Variants in PEBP4 observed in about 807,000 individuals in gnomAD.
PEBP4 encodes phosphatidylethanolamine binding protein 4, also known as phosphatidylethanolamine-binding protein 4.
A neutral mutation model predicts 23.9 loss-of-function variants in PEBP4; 22 were observed. The ratio of observed to expected loss-of-function variants is 0.92; its 90% CI spans 0.66 to 1.31. The LOEUF is 1.31. PEBP4 is among the 40% of genes most tolerant of loss of function. The probability of loss-of-function intolerance (pLI) is 0.00; values close to 1 mark genes in which losing one functional copy is unlikely to be tolerated. For synonymous variants in PEBP4, 112 were observed against 99.3 expected (o/e 1.13, Z -0.76); for missense variants, 324 against 281.7 (o/e 1.15, Z -1.07).
intron 3 of PEBP4, among the ~76,000 whole-genome samples, chr8:22,895,037 C>CA (rs1445397888): frequency 6.6e-6 from 1 of 152,176 alleles, no homozygotes; most frequent in Non-Finnish European, 1.5e-5. Context: ...AAACAGTAGA[C>CA]TTTCACACCA....
At chr8:22,715,836 A>C (rs1460379682) in intron 6 of PEBP4, among the ~76,000 whole-genome samples, 2 of 152,176 alleles carry the variant, frequency 1.3e-5, no homozygotes, top group African/African-American at 2.4e-5. Flanking sequence ...TCTAGAAGGC[A>C]GAGGGGGTGA....
chr8:22,780,017 C>T (rs140319098), intron 4 of PEBP4, among the ~76,000 whole-genome samples: 292 of 151,664 alleles, frequency 1.9e-3, no homozygotes, highest in Non-Finnish European at 2.5e-3. Flanking sequence ...GGCACGATCA[C>T]GGCTCACTGC....
intron 4 of PEBP4, among the ~76,000 whole-genome samples, chr8:22,777,237 T>C (rs2128754745): frequency 6.6e-6 from 1 of 152,256 alleles, no homozygotes. Context: ...TTCCCCCTCC[T>C]CTACTCCTCC....
rs575872540 is a variant in PEBP4 at position 22,816,277 on chromosome 8, T to G, written c.357+1360A>C. Reference sequence around the variant, plus strand: ...TGCCCACGAAGCTGCTGCTTGGGTCTCCCTTGAGGAAGCCCCTTCCAGGGC... The same window carrying G: ...TGCCCACGAAGCTGCTGCTTGGGTCGCCCTTGAGGAAGCCCCTTCCAGGGC... On this transcript the variant is annotated intron_variant, in intron 4 of 6. Coordinates refer to ENST00000256404, the MANE Select transcript of PEBP4 (RefSeq NM_144962.3). 3.9e-5 allele frequency among the ~76,000 whole-genome samples: 6 copies of G among 152,286 alleles called. No individual in the cohort carries two copies. The South Asian group carries it at 1.2e-3, about 32-fold the overall frequency.
At chr8:22,902,914 TG>T (rs1436828435) in intron 3 of PEBP4, among the ~76,000 whole-genome samples, 1 of 152,184 alleles carries the variant, frequency 6.6e-6, no homozygotes, top group Non-Finnish European at 1.5e-5. Flanking sequence ...AGCATAGCCT[TG>T]CGTTCCCACA....
chr8:22,918,923 G>GCACA (rs1365124030), intron 3 of PEBP4, among the ~76,000 whole-genome samples: 4 of 115,814 alleles, frequency 3.5e-5, no homozygotes, highest in Admixed American at 8.7e-5. Flanking sequence ...ATGCAAGTGT[G>GCACA]TGTGTGCACA....
At chr8:22,912,384 G>C (rs550491418) in intron 3 of PEBP4, among the ~76,000 whole-genome samples, 2 of 152,190 alleles carry the variant, frequency 1.3e-5, no homozygotes, top group Admixed American at 6.5e-5. Context: ...AGCTCCATCC[G>C]GATCTGCTCC....
chr8:22,792,988 T>C (rs1168004601), intron 4 of PEBP4, among the ~76,000 whole-genome samples: 1 of 152,218 alleles, frequency 6.6e-6, no homozygotes, highest in Non-Finnish European at 1.5e-5. Context: ...AATTTTTAAG[T>C]ACAATTTTAA....
At chr8:22,864,470 T>C (rs924921792) in intron 3 of PEBP4, among the ~76,000 whole-genome samples, 12 of 152,106 alleles carry the variant, frequency 7.9e-5, no homozygotes, top group African/African-American at 2.9e-4. Flanking sequence ...CTGGTGAAGA[T>C]AGAACCACCA....
Position 22,887,114 on chromosome 8 carries a change from G to GTGTGTGTGTGTGTGTGTGTT in PEBP4, c.258+33069_258+33070insAACACACACACACACACACA, listed in dbSNP as rs1374313995. 3 of 147,476 alleles carry GTGTGTGTGTGTGTGTGTGTT rather than the reference G, an allele frequency of 2.0e-5. No homozygotes were observed. The Admixed American group carries it at 2.1e-4, about 10-fold the overall frequency. 9.1% of individuals were successfully genotyped at this position (147,476 alleles called of 1,614,324 possible). On this transcript the variant is annotated intron_variant, in intron 3 of 6. Transcript: ENST00000256404. ...AGTGTGTGTGTGTGTGTGTGTGTGT[G>GTGTGTGTGTGTGTGTGTGTT]TGTATGTGTGTGTGTGTGTGTATTT...
intron 3 of PEBP4, among the ~76,000 whole-genome samples, chr8:22,862,998 C>T (rs1313541411): frequency 8.6e-5 from 13 of 152,034 alleles, no homozygotes; most frequent in Admixed American, 3.3e-4. Context: ...AGATGGGTTT[C>T]ACCATGTTAG....
intron 3 of PEBP4, among the ~76,000 whole-genome samples, chr8:22,824,223 T>C (rs1250510727): frequency 6.6e-6 from 1 of 152,184 alleles, no homozygotes; most frequent in Non-Finnish European, 1.5e-5. Context: ...GTTTATGCAA[T>C]AAAATGCATT....
intron 6 of PEBP4, among the ~76,000 whole-genome samples, chr8:22,716,844 C>G (rs1269845260): frequency 6.6e-6 from 1 of 152,250 alleles, no homozygotes; most frequent in East Asian, 1.9e-4. Context: ...CCCTTTAACA[C>G]TGGCAGCCAT....
chr8:22,875,748 C>A (rs765849312), intron 3 of PEBP4, among the ~76,000 whole-genome samples: 1 of 152,048 alleles, frequency 6.6e-6, no homozygotes, highest in Admixed American at 6.6e-5. Context: ...TCACCCAGCA[C>A]GTCACCCACC....
chr8:22,781,343 C>A (rs577815308), intron 4 of PEBP4, among the ~76,000 whole-genome samples: 1 of 149,376 alleles, frequency 6.7e-6, no homozygotes, highest in Admixed American at 6.6e-5. Context: ...CAGCAGGCAC[C>A]GGGGCTGGGA....
chr8:22,766,249 G>A (rs73553819), intron 4 of PEBP4, among the ~76,000 whole-genome samples: 12 of 152,350 alleles, frequency 7.9e-5, no homozygotes, highest in African/African-American at 2.9e-4. Flanking sequence ...ATTCATGCCT[G>A]TGGGACTGTG....
chr8:22,785,983 A>AG (rs1806019500), intron 4 of PEBP4, among the ~76,000 whole-genome samples: 2 of 152,188 alleles, frequency 1.3e-5, no homozygotes, highest in South Asian at 4.1e-4. Context: ...AACGTCAAGT[A>AG]GGGTCAGTGC....
At chr8:22,933,818 C>A (rs1428085542) in intron 1 of PEBP4, among the ~76,000 whole-genome samples, 2 of 152,160 alleles carry the variant, frequency 1.3e-5, no homozygotes, top group Non-Finnish European at 2.9e-5. Context: ...CTTTTAAATA[C>A]AGGATGTCTT....
chr8:22,852,354 G>A (rs1031933560), intron 3 of PEBP4, among the ~76,000 whole-genome samples: 1 of 152,022 alleles, frequency 6.6e-6, no homozygotes, highest in Admixed American at 6.6e-5. Context: ...TTGGCAGAGC[G>A]ACCATGCTCT....
Sources: allele counts gnomAD v4.1 joint callset (sites outside exome capture counted in the v4.1 genomes callset), GRCh38; gene constraint gnomAD v4.1.1; transcripts MANE v1.5; gene names NCBI Gene and HGNC (gene_info 2026-07-23, HGNC 2026-07-21).